Variants in UGT2B15 observed in about 807,000 individuals in gnomAD.
UGT2B15 encodes the protein UDP-glucuronosyltransferase 2B15.
UGT2B15 carries 36 observed loss-of-function variants against 45.9 expected under a neutral mutation model. That is an observed-to-expected ratio of 0.78 (90% CI 0.60 to 1.04). UGT2B15 has a LOEUF of 1.04. Ranked by LOEUF, UGT2B15 falls within the 50% of genes least tolerant of loss-of-function variation. The pLI is 0.00. For synonymous variants in UGT2B15, 219 were observed against 216.4 expected, an observed-to-expected ratio of 1.01 and a Z score of -0.11; for missense variants, 617 against 622.4, an observed-to-expected ratio of 0.99 and a Z score of 0.09.
Position 68,670,244 on chromosome 4 carries a change from G to GAAT in UGT2B15, c.374_375insATT (p.Asn125delinsLysPhe), listed in dbSNP as rs1235923953. ...TCAAAACTGCATCTTTACAGAGCTTGTTACTGTAGTCATAATATTCCCAAC... is the reference window on the plus strand; with the variant it reads ...TCAAAACTGCATCTTTACAGAGCTTGAATTTACTGTAGTCATAATATTCCCAAC... On this transcript the variant is annotated protein_altering_variant, in exon 1 of 6. Transcript: ENST00000338206. 1.9e-6 allele frequency: 3 copies of GAAT among 1,613,914 alleles called. No individual in the cohort carries two copies. Among genetic ancestry groups the GAAT allele is most frequent in the Non-Finnish European group, 1.7e-6 (2 of 1,179,950 alleles).
At chr4:68,650,023 G>C (rs1732604933) in intron 5 of UGT2B15, among the ~76,000 whole-genome samples, 1 of 151,896 alleles carries the variant, frequency 6.6e-6, no homozygotes, top group Non-Finnish European at 1.5e-5. Flanking sequence ...AGTAGAGACA[G>C]GGTTTCACTA....
At chr4:68,647,491 G>T in intron 5 of UGT2B15, 108 bp from the exon 6 acceptor site, 1 of 1,282,966 alleles carries the variant, frequency 7.8e-7, no homozygotes, top group Non-Finnish European at 1.0e-6. Context: ...TTGAAAGTAA[G>T]TGTCACTGAA....
At chr4:68,662,293 C>G (rs1169871141) in intron 3 of UGT2B15, among the ~76,000 whole-genome samples, 1 of 151,986 alleles carries the variant, frequency 6.6e-6, no homozygotes, top group African/African-American at 2.4e-5. Flanking sequence ...TAATAATGCA[C>G]ATAGTCTACC....
At position 68,668,154 on chromosome 4, in the gene UGT2B15, T is replaced by C. The variant is rs778626029; in HGVS notation, c.759A>G (p.Lys253=). 7 of 1,613,572 alleles carry C rather than the reference T, an allele frequency of 4.3e-6. No individual in the cohort carries two copies. Among genetic ancestry groups the C allele is most frequent in the Non-Finnish European group, 5.9e-6 (7 of 1,179,652 alleles). ...RPTTLFETMG[K]AEMWLIRTYW... is the part of the protein sequence containing the mutation. ...AGGTTCGAATGAGCCACATTTCAGC[T>C]TTCCCCATTGTCTCAAATAATGTAG... The change falls in exon 2 of 6, where the codon AAA becomes AAG. Residue 253 remains lysine (K), a synonymous_variant. Transcript: ENST00000338206.
chr4:68,654,131 T>C lies in UGT2B15; in HGVS notation c.1219A>G (p.Met407Val), dbSNP rs376250826. ...CTGAGGGCTGCTCCCTTGGCTTTCA[T>C]GTGAGCAATGTTATCATGTTGATCC... ...FADQHDNIAH[M>V]KAKGAALSVD... Residue 407 changes from methionine (M) to valine (V), a missense_variant, in exon 5 of 6, where the codon ATG becomes GTG. Physicochemically the swap from Met to Val is conservative, Grantham distance 21. This residue lies in a region of UGT2B15 where 265 missense variants were observed against 245.1 expected (regional missense o/e 1.08). Coordinates refer to ENST00000338206, the MANE Select transcript of UGT2B15 (RefSeq NM_001076.4). 360 of 1,613,564 alleles carry C rather than the reference T, an allele frequency of 2.2e-4. 3 individuals carry two copies. The highest frequency in any genetic ancestry group is 9.9e-4 in the Middle Eastern group (6 of 6,076).
chr4:68,669,951 A>G lies in UGT2B15; in HGVS notation c.668T>C (p.Phe223Ser), dbSNP rs1418210702. The change falls in exon 1 of 6, where the codon TTT becomes TCT. Residue 223 changes from phenylalanine to serine, a missense_variant. Phe to Ser is a radical substitution (Grantham distance 155). This residue lies in a region of UGT2B15 where 351 missense variants were observed against 342.1 expected (regional missense o/e 1.03). Transcript: ENST00000338206. ...CTTCAGATCATAAATTTGAAACCAA[A>G]AGTCAAAATAAAGCATATGTATCAT... The part of the protein sequence containing the change: ...KNMIHMLYFD[F>S]WFQIYDLKKW... 11 of 1,612,838 alleles carry G rather than the reference A, an allele frequency of 6.8e-6. No homozygotes were observed. The highest frequency in any genetic ancestry group is 7.6e-6 in the Non-Finnish European group (9 of 1,179,786).
At position 68,669,915 on chromosome 4, in the gene UGT2B15, T is replaced by C. The variant is rs748570506; in HGVS notation, c.704A>G (p.Gln235Arg). ...FQIYDLKKWD[Q>R]FYSEVLGRPT... Reference sequence around the variant, plus strand: ...CTTACCTAGAACTTCACTATAAAACTGGTCCCACTTCTTCAGATCATAAAT... The same window carrying C: ...CTTACCTAGAACTTCACTATAAAACCGGTCCCACTTCTTCAGATCATAAAT... The change falls in exon 1 of 6, where the codon CAG becomes CGG. Residue 235 changes from glutamine to arginine, a missense_variant. Transcript: ENST00000338206. 16 of 1,611,016 alleles carry C rather than the reference T, an allele frequency of 9.9e-6. No individual in the cohort carries two copies. The highest frequency in any genetic ancestry group is 8.0e-5 in the African/African-American group (6 of 74,538).
Position 68,654,022 on chromosome 4 carries a change from A to G in UGT2B15, c.1313+15T>C, listed in dbSNP as rs1402082373. 1.9e-5 allele frequency: 31 copies of G among 1,606,310 alleles called. 1 individual carries two copies. Among genetic ancestry groups the G allele is most frequent in the Non-Finnish European group, 2.6e-5 (31 of 1,174,170 alleles). On this transcript the variant is annotated intron_variant, in intron 5 of 5. Transcript: ENST00000338206. ...ATTTATAAATACCACCTGGTCACAAAACTGTAATACTCACACAGGGTCATT... is the reference window on the plus strand; with the variant it reads ...ATTTATAAATACCACCTGGTCACAAGACTGTAATACTCACACAGGGTCATT...
Position 68,661,343 on chromosome 4 carries a change from T to G in UGT2B15, c.1005+1665A>C, listed in dbSNP as rs181118555. 7.2e-4 allele frequency among the ~76,000 whole-genome samples: 109 copies of G among 152,080 alleles called. 2 individuals carry two copies. Among genetic ancestry groups the G allele is most frequent in the Non-Finnish European group, 1.5e-3 (99 of 67,942 alleles). On this transcript the variant is annotated intron_variant, in intron 3 of 5. Transcript: ENST00000338206. Reference sequence around the variant, plus strand: ...CTGCTTCAAGTTGGCAAAAATAAACTTTCTAAATGTACTGAGACCTGTATC... The same window carrying G: ...CTGCTTCAAGTTGGCAAAAATAAACGTTCTAAATGTACTGAGACCTGTATC...
chr4:68,668,021 G>T lies in UGT2B15; in HGVS notation c.873+19C>A. On this transcript the variant is annotated intron_variant, in intron 2 of 5. Coordinates refer to ENST00000338206, the MANE Select transcript of UGT2B15 (RefSeq NM_001076.4). The stretch of plus-strand genomic sequence containing the variant: ...TTCTGAAAATGTCAAGCAAACAAAT[G>T]AAACAAGAATACATTTACCTTAGGC... 6.2e-7 allele frequency: 1 copy of T among 1,611,586 alleles called. No homozygotes were observed. The highest frequency in any genetic ancestry group is 8.5e-7 in the Non-Finnish European group (1 of 1,179,304).
Position 68,646,896 on chromosome 4 carries a change from A to G in UGT2B15, c.*208T>C. On this transcript the variant is annotated 3_prime_UTR_variant, in exon 6 of 6. Transcript: ENST00000338206. ...CAAATGCTATCCTTCCCCCCATTGTATTTTTCATAGCTTAAAAATCATTGA... is the reference window on the plus strand; with the variant it reads ...CAAATGCTATCCTTCCCCCCATTGTGTTTTTCATAGCTTAAAAATCATTGA... 3 of 778,284 alleles carry G rather than the reference A, an allele frequency of 3.9e-6. No individual in the cohort carries two copies. The highest frequency in any genetic ancestry group is 5.9e-6 in the Non-Finnish European group (3 of 512,132). The allele number at this position is 778,284 out of a possible 1,614,324, so 48.2% of individuals were successfully genotyped here. A position where few individuals can be genotyped will look rare whatever the true frequency, so the allele number is the denominator to read the frequency against.
intron 3 of UGT2B15, among the ~76,000 whole-genome samples, chr4:68,660,476 C>T (rs1178881439): frequency 4.0e-5 from 6 of 151,740 alleles, no homozygotes; most frequent in Non-Finnish European, 8.8e-5. Context: ...TCCATCAAAG[C>T]CACTTTAAAA....
chr4:68,670,125 A>T lies in UGT2B15; in HGVS notation c.494T>A (p.Phe165Tyr), dbSNP rs1243182386. Residue 165 changes from phenylalanine (F) to tyrosine (Y), a missense_variant, in exon 1 of 6, where the codon TTT becomes TAT. Phe to Tyr is a conservative substitution (Grantham distance 22). Coordinates refer to ENST00000338206, the MANE Select transcript of UGT2B15 (RefSeq NM_001076.4). ...NPCGELLAEL[F>Y]NIPFLYSLRF... is the part of the protein sequence containing the mutation. ...AAGACTGTACAGAAAGGGTATGTTA[A>T]ATAGTTCAGCCAGTAGCTCACCACA... The T allele has an allele frequency of 3.1e-6, 5 of 1,613,984 alleles. No individual in the cohort carries two copies. The Admixed American group carries it at 8.3e-5, about 27-fold the overall frequency.
intron 4 of UGT2B15, among the ~76,000 whole-genome samples, chr4:68,654,613 G>A (rs1043897253): frequency 6.6e-6 from 1 of 151,812 alleles, no homozygotes; most frequent in African/African-American, 2.4e-5. Flanking sequence ...GAGTAGGGTG[G>A]AGGTGGGGCT....
Position 68,669,906 on chromosome 4 carries a change from C to G in UGT2B15, c.713G>C (p.Ser238Thr), listed in dbSNP as rs1733250001. ...GACACATGACTTACCTAGAACTTCA[C>G]TATAAAACTGGTCCCACTTCTTCAG... is the stretch of plus-strand genomic sequence containing the variant. ...YDLKKWDQFY[S>T]EVLGRPTTLF... Residue 238 changes from serine (S) to threonine (T), a missense_variant, in exon 1 of 6, where the codon AGT (serine) becomes ACT (threonine). Ser to Thr is a moderately conservative substitution (Grantham distance 58, BLOSUM62 1). This residue lies in a region of UGT2B15 where 351 missense variants were observed against 342.1 expected (regional missense o/e 1.03). Coordinates refer to ENST00000338206, the MANE Select transcript of UGT2B15 (RefSeq NM_001076.4). The G allele has an allele frequency of 1.2e-6, 2 of 1,610,196 alleles. No individual in the cohort carries two copies. The highest frequency in any genetic ancestry group is 8.5e-7 in the Non-Finnish European group (1 of 1,179,050).
chr4:68,652,834 A>G (rs972318187), intron 5 of UGT2B15, among the ~76,000 whole-genome samples: 1 of 152,030 alleles, frequency 6.6e-6, no homozygotes, highest in African/African-American at 2.4e-5. Flanking sequence ...GATAAATAGA[A>G]AAAGACAAAA....
At position 68,647,288 on chromosome 4, in the gene UGT2B15, C is replaced by T. The variant is rs147866157; in HGVS notation, c.1409G>A (p.Arg470His). 437 of 1,613,850 alleles carry T rather than the reference C, an allele frequency of 2.7e-4. No homozygotes were observed. The highest frequency in any genetic ancestry group is 5.0e-4 in the Middle Eastern group (3 of 6,058). The change falls in exon 6 of 6, where the codon CGC (arginine) becomes CAC (histidine). Residue 470 changes from arginine (R) to histidine (H), a missense_variant. Around this residue, in one of 3 missense-constraint regions of UGT2B15, gnomAD observed 265 missense variants for 245.1 expected, o/e 1.08. Transcript: ENST00000338206. Reference sequence around the variant, plus strand: ...TCGAAGGTGCTTGGCTCCTTTGTGGCGCATGACAAACTCAATCCAGAAGAC... The same window carrying T: ...TCGAAGGTGCTTGGCTCCTTTGTGGTGCATGACAAACTCAATCCAGAAGAC... ...RAVFWIEFVM[R>H]HKGAKHLRVA...
chr4:68,647,072 T>C lies in UGT2B15; in HGVS notation c.*32A>G. ...CTGAAATAAAGGAGGAGTCCCATCT[T>C]TCAGTCATTCCACTTCAGGCTTTTG... On this transcript the variant is annotated 3_prime_UTR_variant, in exon 6 of 6. Coordinates refer to ENST00000338206, the MANE Select transcript of UGT2B15 (RefSeq NM_001076.4). 1 of 1,588,200 alleles carries C rather than the reference T, an allele frequency of 6.3e-7. No individual in the cohort carries two copies. Among genetic ancestry groups the C allele is most frequent in the Non-Finnish European group, 8.6e-7 (1 of 1,165,640 alleles).
intron 5 of UGT2B15, among the ~76,000 whole-genome samples, chr4:68,649,448 T>C (rs1732586517): frequency 6.6e-6 from 1 of 151,480 alleles, no homozygotes; most frequent in Admixed American, 6.6e-5. Flanking sequence ...TCTGGCTAAG[T>C]TTTGTATTAT....
Sources: gnomAD v4.1 joint callset for allele counts (sites outside exome capture counted in the v4.1 genomes callset) on GRCh38, gnomAD v4.1.1 for gene constraint, gnomAD v4.1.1 regional missense constraint, MANE v1.5 for transcripts, NCBI Gene and HGNC (gene_info 2026-07-23, HGNC 2026-07-21) for gene names.